Variants in NCOA2 observed in about 807,000 individuals in gnomAD.
NCOA2 encodes class E basic helix-loop-helix protein 75.
In NCOA2, 21 loss-of-function variants were observed where a neutral mutation model predicts 145.1. That is an observed-to-expected ratio of 0.14 (90% CI 0.10 to 0.21). The LOEUF is 0.21. Among genes scored for constraint, NCOA2 ranks in the 10% least tolerant of loss-of-function variants. The pLI, the probability that NCOA2 is intolerant of heterozygous loss-of-function variation, is 1.00. For missense variants in NCOA2, 1,472 were observed against 1,837.6 expected, an observed-to-expected ratio of 0.80 and a Z score of 3.64; for synonymous variants, 619 against 637.5, an observed-to-expected ratio of 0.97 and a Z score of 0.44.
At position 70,313,521 on chromosome 8, in the gene NCOA2, AAG is replaced by A. The variant is rs574269157; in HGVS notation, c.-76-16723_-76-16722del. 2.2e-4 allele frequency among the ~76,000 whole-genome samples: 34 copies of A among 152,276 alleles called. 1 individual carries two copies. The highest frequency in any genetic ancestry group is 2.1e-3 in the Admixed American group (32 of 15,290). On this transcript the variant is annotated intron_variant, in intron 1 of 22. Coordinates refer to ENST00000452400, the MANE Select transcript of NCOA2 (RefSeq NM_006540.4). ...AATAGTGGTAACTCGGGAAGCTGAAAAGAGTTATTTTGAGAAAATAAGAAATT... is the reference window on the plus strand; with the variant it reads ...AATAGTGGTAACTCGGGAAGCTGAAAAGTTATTTTGAGAAAATAAGAAATT...
Position 70,124,102 on chromosome 8 carries a change from TTGAA to T in NCOA2, c.4095-24_4095-21del. 1 of 1,607,412 alleles carries T rather than the reference TTGAA, an allele frequency of 6.2e-7. No individual in the cohort carries two copies. Among genetic ancestry groups the T allele is most frequent in the Non-Finnish European group, 8.5e-7 (1 of 1,175,628 alleles). ...AACATGCTGGAATACAATGGAAAGA[TTGAA>T]TGAATGTTACAGCTTGCTGGTATCC... On this transcript the variant is annotated intron_variant, in intron 20 of 22. Transcript: ENST00000452400.
the NCOA2 span, among the ~76,000 whole-genome samples, chr8:70,425,413 C>T: frequency 2.6e-5 from 4 of 152,046 alleles, no homozygotes; most frequent in African/African-American, 9.7e-5. Context: ...TCACCCCACC[C>T]AGCCCCTCCC....
chr8:70,173,464 A>T (rs1444569245), intron 5 of NCOA2, among the ~76,000 whole-genome samples: 1 of 152,334 alleles, frequency 6.6e-6, no homozygotes, highest in East Asian at 1.9e-4. Flanking sequence ...CTTTCATTTA[A>T]TTCTAAATGG....
intron 1 of NCOA2, among the ~76,000 whole-genome samples, chr8:70,390,444 C>T (rs913074549): frequency 1.3e-5 from 2 of 152,100 alleles, no homozygotes; most frequent in Non-Finnish European, 2.9e-5. Flanking sequence ...ACTACTCTTA[C>T]ACCAAGGTTT....
intron 1 of NCOA2, among the ~76,000 whole-genome samples, chr8:70,303,019 C>T (rs969021202): frequency 5.9e-5 from 9 of 152,182 alleles, no homozygotes; most frequent in African/African-American, 2.2e-4. Flanking sequence ...AGAGGCAATA[C>T]AATAAAGCAA....
chr8:70,320,497 TTTTA>T (rs766417570), intron 1 of NCOA2, among the ~76,000 whole-genome samples: 1 of 152,112 alleles, frequency 6.6e-6, no homozygotes, highest in Non-Finnish European at 1.5e-5. Context: ...AAAGATATGG[TTTTA>T]TTAAGAGAAA....
chr8:70,188,373 C>T (rs1486027660), intron 4 of NCOA2, among the ~76,000 whole-genome samples: 5 of 152,182 alleles, frequency 3.3e-5, no homozygotes, highest in African/African-American at 7.2e-5. Flanking sequence ...AGTTAGTACA[C>T]GACCTCAATC....
chr8:70,291,223 T>C (rs531081906), intron 2 of NCOA2, among the ~76,000 whole-genome samples: 1 of 152,348 alleles, frequency 6.6e-6, no homozygotes, highest in South Asian at 2.1e-4. Context: ...AAATCTCTCC[T>C]GTTTTCTAGT....
intron 1 of NCOA2, among the ~76,000 whole-genome samples, chr8:70,342,108 G>A (rs1808194250): frequency 6.6e-6 from 1 of 152,104 alleles, no homozygotes; most frequent in Non-Finnish European, 1.5e-5. Context: ...ACTTCCATGA[G>A]CTGATATTAC....
At chr8:70,426,895 G>A in the NCOA2 span, among the ~76,000 whole-genome samples, 1 of 152,090 alleles carries the variant, frequency 6.6e-6, no homozygotes, top group Non-Finnish European at 1.5e-5. Context: ...CGGGCTCAAA[G>A]GATCCTCCTG....
At chr8:70,200,096 T>A (rs1362789770) in intron 4 of NCOA2, among the ~76,000 whole-genome samples, 1 of 152,138 alleles carries the variant, frequency 6.6e-6, no homozygotes, top group African/African-American at 2.4e-5. Context: ...TAATAAGTAA[T>A]CTACAGATGA....
At chr8:70,255,882 G>A (rs1457579160) in intron 2 of NCOA2, among the ~76,000 whole-genome samples, 1 of 152,216 alleles carries the variant, frequency 6.6e-6, no homozygotes, top group Non-Finnish European at 1.5e-5. Context: ...ATGGAAAGAA[G>A]ATCTACACAC....
At chr8:70,273,363 G>T (rs553832520) in intron 2 of NCOA2, 6 of 614,488 alleles carry the variant, frequency 9.8e-6, no homozygotes, top group South Asian at 6.5e-5. Context: ...CCCCTTATCC[G>T]CTGCGACAAG....
intron 11 of NCOA2, among the ~76,000 whole-genome samples, chr8:70,151,271 C>G (rs1329946579): frequency 1.3e-5 from 2 of 151,484 alleles, no homozygotes; most frequent in Non-Finnish European, 1.5e-5. Flanking sequence ...ATATTAAGAA[C>G]AGTCTAGACT....
intron 1 of NCOA2, among the ~76,000 whole-genome samples, chr8:70,314,628 A>C (rs538939524): frequency 6.6e-6 from 1 of 152,240 alleles, no homozygotes; most frequent in Admixed American, 6.5e-5. Context: ...GAAACCAAGC[A>C]GCATTCATTT....
At chr8:70,389,978 T>C (rs1016126421) in intron 1 of NCOA2, among the ~76,000 whole-genome samples, 27 of 152,106 alleles carry the variant, frequency 1.8e-4, no homozygotes, top group African/African-American at 6.0e-4. Context: ...TTCAGGAAAA[T>C]GTTTACAAAA....
chr8:70,355,386 G>C (rs76718417), intron 1 of NCOA2, among the ~76,000 whole-genome samples: 1 of 152,108 alleles, frequency 6.6e-6, no homozygotes, highest in Non-Finnish European at 1.5e-5. Flanking sequence ...TTGATATTGA[G>C]CCTACATGTG....
chr8:70,138,619 T>G lies in NCOA2; in HGVS notation c.3029-287A>C, dbSNP rs913767423. On this transcript the variant is annotated intron_variant, in intron 14 of 22. Coordinates refer to ENST00000452400, the MANE Select transcript of NCOA2 (RefSeq NM_006540.4). ...CATGTGCGTTATATCTTACTGATAT[T>G]TACTGTACTGGAAATTGAAATTGAG... Among the ~76,000 whole-genome samples the G allele has an allele frequency of 2.6e-5, 4 of 152,356 alleles. No homozygotes were observed. The East Asian group carries it at 7.7e-4, about 29-fold the overall frequency.
rs888403690 is a variant in NCOA2, at chr8:70,387,948, G to A, written c.-77+15752C>T. 3.3e-5 allele frequency among the ~76,000 whole-genome samples: 5 copies of A among 152,326 alleles called. No individual in the cohort carries two copies. In the South Asian group the frequency reaches 6.2e-4, roughly 19 times the overall value. ...AAGGCCAGGCATGCAGGTGAGCAAG[G>A]CTTCAGCTGATTCCAGCTCCCCAGT... On this transcript the variant is annotated intron_variant, in intron 1 of 22. Coordinates refer to ENST00000452400, the MANE Select transcript of NCOA2 (RefSeq NM_006540.4).
Sources: gnomAD v4.1 joint callset for allele counts (sites outside exome capture counted in the v4.1 genomes callset) on GRCh38, gnomAD v4.1.1 for gene constraint, MANE v1.5 for transcripts, NCBI Gene and HGNC (gene_info 2026-07-23, HGNC 2026-07-21) for gene names.